Variants in RCAN2 observed in about 807,000 individuals in gnomAD.
RCAN2 encodes regulator of calcineurin 2, also known as calcipressin-2.
Under a neutral mutation model 23.6 loss-of-function variants are expected in RCAN2, and 9 were observed. The ratio of observed to expected loss-of-function variants is 0.38; its 90% CI spans 0.23 to 0.67. The LOEUF is 0.67. RCAN2 is among the 30% of genes least tolerant of loss of function. The probability of loss-of-function intolerance (pLI) is 0.51; values close to 1 mark genes in which losing one functional copy is unlikely to be tolerated. For missense variants in RCAN2, 273 were observed against 302.3 expected, an observed-to-expected ratio of 0.90 and a Z score of 0.72; for synonymous variants, 109 against 115.7, an observed-to-expected ratio of 0.94 and a Z score of 0.37.
At chr6:46,310,483 C>A (rs1188228555) in intron 2 of RCAN2, among the ~76,000 whole-genome samples, 1 of 151,970 alleles carries the variant, frequency 6.6e-6, no homozygotes, top group Non-Finnish European at 1.5e-5. Flanking sequence ...GAATGAGAAG[C>A]ATGCAGTGTC....
intron 2 of RCAN2, among the ~76,000 whole-genome samples, chr6:46,404,955 A>G (rs2150404792): frequency 6.6e-6 from 1 of 152,326 alleles, no homozygotes; most frequent in Admixed American, 6.5e-5. Flanking sequence ...AATGCAAACC[A>G]TTTTGCAATA....
chr6:46,407,800 C>T (rs943674462), intron 2 of RCAN2, among the ~76,000 whole-genome samples: 2 of 152,098 alleles, frequency 1.3e-5, no homozygotes, highest in African/African-American at 2.4e-5. Context: ...GGTGAGATTG[C>T]ATAATTTTGC....
chr6:46,467,285 C>T (rs145946755), intron 1 of RCAN2, among the ~76,000 whole-genome samples: 223 of 152,304 alleles, frequency 1.5e-3, no homozygotes, highest in African/African-American at 5.0e-3. Context: ...TTCAGCTGTC[C>T]AGCTTACTGG....
In RCAN2 at chr6:46,456,859, A is replaced by G. The variant is rs530174813; in HGVS notation, c.118T>C (p.Cys40Arg). The G allele has an allele frequency of 5.2e-6, 8 of 1,550,700 alleles. No individual in the cohort carries two copies. The highest frequency in any genetic ancestry group is 1.7e-4 in the Middle Eastern group (1 of 5,994). The stretch of plus-strand genomic sequence containing the variant: ...GCTTGAAAGGCTTCTTCTGCAAAAC[A>G]ACGAGTGACAGCCCAGTCCCTGTCT... Reference protein sequence around the residue: ...CIDRDWAVTRCFAEEAFQAIT... With the variant: ...CIDRDWAVTRRFAEEAFQAIT... Residue 40 changes from cysteine to arginine, a missense_variant, in exon 2 of 5, where the codon TGT (cysteine) becomes CGT (arginine). By Grantham distance (180) the Cys-to-Arg change is radical. Coordinates refer to ENST00000371374, the MANE Select transcript of RCAN2 (RefSeq NM_001251974.2).
intron 2 of RCAN2, among the ~76,000 whole-genome samples, chr6:46,307,575 G>T (rs1763112697): frequency 6.6e-6 from 1 of 152,094 alleles, no homozygotes; most frequent in African/African-American, 2.4e-5. Flanking sequence ...GCAAATATAT[G>T]TTGTGCTCCT....
chr6:46,372,101 A>G (rs1332620656), intron 2 of RCAN2, among the ~76,000 whole-genome samples: 1 of 152,264 alleles, frequency 6.6e-6, no homozygotes, highest in East Asian at 1.9e-4. Context: ...TAAAGGAACT[A>G]CATGGAATAT....
At position 46,425,157 on chromosome 6, in the gene RCAN2, T is replaced by A. The variant is rs143750248; in HGVS notation, c.225+31595A>T. 1.0e-3 allele frequency among the ~76,000 whole-genome samples: 152 copies of A among 152,370 alleles called. 2 individuals are homozygous for A. Among genetic ancestry groups the A allele is most frequent in the African/African-American group, 3.5e-3 (147 of 41,586 alleles). Reference sequence around the variant, plus strand: ...CTAGAGCAGTGGCTCTGAAACTTTGTGGTCTTAGAGATCCATTATGCTTTT... The same window carrying A: ...CTAGAGCAGTGGCTCTGAAACTTTGAGGTCTTAGAGATCCATTATGCTTTT... On this transcript the variant is annotated intron_variant, in intron 2 of 4. Transcript: ENST00000371374.
At chr6:46,435,031 C>T (rs186163476) in intron 2 of RCAN2, among the ~76,000 whole-genome samples, 14 of 152,272 alleles carry the variant, frequency 9.2e-5, no homozygotes, top group African/African-American at 1.9e-4. Context: ...TTAAATATGT[C>T]GTTGCGATGC....
At chr6:46,237,936 A>C (rs1486106281) in intron 4 of RCAN2, among the ~76,000 whole-genome samples, 8 of 152,204 alleles carry the variant, frequency 5.3e-5, no homozygotes, top group Non-Finnish European at 1.2e-4. Context: ...AACCATCTTC[A>C]TAGTTGACTT....
At chr6:46,367,037 A>ATG (rs1303140589) in intron 2 of RCAN2, among the ~76,000 whole-genome samples, 1 of 121,198 alleles carries the variant, frequency 8.3e-6, no homozygotes, top group Non-Finnish European at 1.8e-5. Context: ...ATATATATAT[A>ATG]TATATATATA....
In RCAN2 at chr6:46,442,212, T is replaced by A. The variant is rs528599015; in HGVS notation, c.225+14540A>T. On this transcript the variant is annotated intron_variant, in intron 2 of 4. Transcript: ENST00000371374. ...CCTGGGTTCTATCTCTGAAACTGCC[T>A]CTGAAAAAAGTAATGTTCTTAGGCA... Among the ~76,000 whole-genome samples, 4 of 152,292 alleles carry A rather than the reference T, an allele frequency of 2.6e-5. No individual in the cohort carries two copies. The South Asian group carries it at 8.3e-4, about 32-fold the overall frequency.
intron 4 of RCAN2, among the ~76,000 whole-genome samples, chr6:46,243,905 A>G (rs1766417635): frequency 6.6e-6 from 1 of 151,940 alleles, no homozygotes; most frequent in African/African-American, 2.4e-5. Flanking sequence ...GCAGGCCTGA[A>G]GTCAGCCAAG....
intron 2 of RCAN2, among the ~76,000 whole-genome samples, chr6:46,443,749 G>T (rs1382868391): frequency 6.6e-6 from 1 of 152,160 alleles, no homozygotes; most frequent in Non-Finnish European, 1.5e-5. Flanking sequence ...TTTGGCTTGA[G>T]CATTGCTGCT....
At chr6:46,456,647 A>T in intron 2 of RCAN2, 105 bp downstream of exon 2, 1 of 825,920 alleles carries the variant, frequency 1.2e-6, no homozygotes, top group Non-Finnish European at 1.9e-6. Context: ...GAGCCAACTA[A>T]ACATTTCCAA....
intron 2 of RCAN2, among the ~76,000 whole-genome samples, chr6:46,349,731 A>T (rs148112209): frequency 1.1e-3 from 170 of 152,170 alleles, no homozygotes; most frequent in African/African-American, 3.9e-3. Flanking sequence ...GACCATTCTT[A>T]CCTCTACCAC....
At chr6:46,263,545 GTGTGTGTGTGTGTGTA>G (rs1157287203) in intron 2 of RCAN2, among the ~76,000 whole-genome samples, 3 of 62,754 alleles carry the variant, frequency 4.8e-5, no homozygotes, top group African/African-American at 1.1e-4. Flanking sequence ...GTGTATGTGT[GTGTGTGTGTGTGTGTA>G]TGTGTGTGTG....
intron 2 of RCAN2, among the ~76,000 whole-genome samples, chr6:46,265,326 G>C (rs1178027818): frequency 1.3e-5 from 2 of 152,070 alleles, no homozygotes; most frequent in Non-Finnish European, 2.9e-5. Flanking sequence ...AAAACTTCAG[G>C]ATTGTTGAAT....
intron 2 of RCAN2, among the ~76,000 whole-genome samples, chr6:46,305,383 T>C (rs982521601): frequency 1.3e-5 from 2 of 152,082 alleles, no homozygotes; most frequent in African/African-American, 4.8e-5. Context: ...GCCTGCTCCA[T>C]TCCCTGTCAT....
At chr6:46,395,749 G>A (rs1053581537) in intron 2 of RCAN2, among the ~76,000 whole-genome samples, 7 of 152,100 alleles carry the variant, frequency 4.6e-5, no homozygotes, top group African/African-American at 1.7e-4. Context: ...TCGCAATCTA[G>A]GAGGAAACAT....
Sources: gnomAD v4.1 joint callset for allele counts (sites outside exome capture counted in the v4.1 genomes callset) on GRCh38, gnomAD v4.1.1 for gene constraint, MANE v1.5 for transcripts, NCBI Gene and HGNC (gene_info 2026-07-23, HGNC 2026-07-21) for gene names.